Variants in GRHL2 observed in about 807,000 individuals in gnomAD.
GRHL2 encodes grainyhead like transcription factor 2, also known as grainyhead-like protein 2 homolog.
Under a neutral mutation model 83.8 loss-of-function variants are expected in GRHL2, and 21 were observed. The observed-to-expected ratio is 0.25, with a 90% CI of 0.18 to 0.36. The LOEUF (loss-of-function observed/expected upper bound fraction) is 0.36. GRHL2 is among the 10% of genes least tolerant of loss of function. The probability of loss-of-function intolerance (pLI) is 1.00; values close to 1 mark genes in which losing one functional copy is unlikely to be tolerated. For missense variants in GRHL2, 623 were observed against 781.8 expected, an observed-to-expected ratio of 0.80 and a Z score of 2.42; for synonymous variants, 280 against 278.9, an observed-to-expected ratio of 1.00 and a Z score of -0.04.
Position 101,652,383 on chromosome 8 carries a change from TG to T in GRHL2, c.1698+2886del, listed in dbSNP as rs1376681456. The stretch of plus-strand genomic sequence containing the variant: ...GGTGTGTGTGTGTCTGATGTGTGTG[TG>T]GTGTGTGTGTGTGTCTGGTGTGTGT... On this transcript the variant is annotated intron_variant, in intron 14 of 15. Coordinates refer to ENST00000646743, the MANE Select transcript of GRHL2 (RefSeq NM_024915.4). 7.9e-3 allele frequency among the ~76,000 whole-genome samples: 535 copies of T among 67,720 alleles called. 30 individuals carry two copies. Among genetic ancestry groups the T allele is most frequent in the African/African-American group, 0.024 (253 of 10,756 alleles). The allele number at this position is 67,720 out of a possible 152,430, so 44.4% of individuals were successfully genotyped here. A position where few individuals can be genotyped will look rare whatever the true frequency, so the allele number is the denominator to read the frequency against.
intron 8 of GRHL2, among the ~76,000 whole-genome samples, chr8:101,618,372 CTTA>C (rs1444944413): frequency 6.6e-6 from 1 of 152,146 alleles, no homozygotes; most frequent in African/African-American, 2.4e-5. Context: ...TGTGATTTCT[CTTA>C]TATCTCTTGA....
Position 101,604,771 on chromosome 8 carries a change from A to G in GRHL2, c.1098+5620A>G, listed in dbSNP as rs973491494. ...AGTTCAGGATTCAGTGAAAATGTTC[A>G]CTACCATCACACTAATCATGCTGAC... On this transcript the variant is annotated intron_variant, in intron 8 of 15. Coordinates refer to ENST00000646743, the MANE Select transcript of GRHL2 (RefSeq NM_024915.4). Among the ~76,000 whole-genome samples the G allele has an allele frequency of 3.3e-5, 5 of 152,224 alleles. No homozygotes were observed. The East Asian group carries it at 9.6e-4, about 29-fold the overall frequency.
At chr8:101,617,244 G>A (rs1254502096) in intron 8 of GRHL2, among the ~76,000 whole-genome samples, 1 of 152,150 alleles carries the variant, frequency 6.6e-6, no homozygotes, top group South Asian at 2.1e-4. Context: ...GGCAGCGTGA[G>A]AGCCCAGGGG....
chr8:101,646,461 C>T (rs188252945), intron 13 of GRHL2, among the ~76,000 whole-genome samples: 72 of 152,284 alleles, frequency 4.7e-4, no homozygotes, highest in Non-Finnish European at 8.5e-4. Context: ...CACATGAGGG[C>T]GCTGTAACCT....
At position 101,504,975 on chromosome 8, in the gene GRHL2, G is replaced by GAA. The variant is rs34007500; in HGVS notation, c.20+12201_20+12202dup. ...ACTGAAGTTGCCAACATTGCATTAGGAAAAAAAAAAAAAAAAGAGGAGGCT... is the reference window on the plus strand; with the variant it reads ...ACTGAAGTTGCCAACATTGCATTAGGAAAAAAAAAAAAAAAAAAGAGGAGGCT... On this transcript the variant is annotated intron_variant, in intron 1 of 15. Transcript: ENST00000646743. Among the ~76,000 whole-genome samples, 857 of 112,994 alleles carry GAA rather than the reference G, an allele frequency of 7.6e-3. 6 individuals are homozygous for GAA. The highest frequency in any genetic ancestry group is 0.01 in the Non-Finnish European group (548 of 53,012). The allele number at this position is 112,994 out of a possible 152,430, so 74.1% of individuals were successfully genotyped here.
At position 101,492,455 on chromosome 8, in the gene GRHL2, G is replaced by A; in HGVS notation, c.-315G>A. ...GCTCCTTGCGAGAAAGTTACCTGTGGCCGCCCAAGTCCGCCACTTTCTGCT... is the reference window on the plus strand; with the variant it reads ...GCTCCTTGCGAGAAAGTTACCTGTGACCGCCCAAGTCCGCCACTTTCTGCT... On this transcript the variant is annotated 5_prime_UTR_variant, in exon 1 of 16. Transcript: ENST00000646743. 1 of 511,682 alleles carries A rather than the reference G, an allele frequency of 2.0e-6. No individual in the cohort carries two copies. Among genetic ancestry groups the A allele is most frequent in the Non-Finnish European group, 3.5e-6 (1 of 281,866 alleles). The allele number at this position is 511,682 out of a possible 1,614,324, so 31.7% of individuals were successfully genotyped here.
chr8:101,572,853 C>T (rs1811854439), intron 5 of GRHL2, among the ~76,000 whole-genome samples: 1 of 152,160 alleles, frequency 6.6e-6, no homozygotes. Context: ...CAGGGATCTG[C>T]ACACTTTTTC....
chr8:101,670,817 TCC>T (rs1814192574), downstream of GRHL2, among the ~76,000 whole-genome samples: 1 of 152,192 alleles, frequency 6.6e-6, no homozygotes, highest in South Asian at 2.1e-4. Flanking sequence ...AGCTCTTGTC[TCC>T]CACTCTCTAC....
chr8:101,510,944 C>CA (rs1810450995), intron 1 of GRHL2, among the ~76,000 whole-genome samples: 1 of 151,840 alleles, frequency 6.6e-6, no homozygotes, highest in Non-Finnish European at 1.5e-5. Flanking sequence ...ACTAAAAATA[C>CA]AAAAAAATTA....
intron 5 of GRHL2, among the ~76,000 whole-genome samples, chr8:101,573,078 C>T (rs778356831): frequency 2.1e-4 from 32 of 152,306 alleles, no homozygotes; most frequent in Admixed American, 1.4e-3. Flanking sequence ...TAGAACAACC[C>T]TGCCATGAGT....
chr8:101,536,676 G>A (rs1811052158), intron 1 of GRHL2, among the ~76,000 whole-genome samples: 1 of 152,150 alleles, frequency 6.6e-6, no homozygotes, highest in African/African-American at 2.4e-5. Context: ...TGAGTGACTG[G>A]GGACAGATAA....
intron 7 of GRHL2, among the ~76,000 whole-genome samples, chr8:101,593,022 C>T (rs1458753572): frequency 2.6e-5 from 4 of 151,934 alleles, no homozygotes; most frequent in African/African-American, 2.4e-5. Context: ...TCTCGGCTCA[C>T]TGCAACCTGT....
intron 4 of GRHL2, among the ~76,000 whole-genome samples, chr8:101,565,549 T>C (rs567517977): frequency 2.0e-5 from 3 of 152,290 alleles, no homozygotes; most frequent in African/African-American, 7.2e-5. Context: ...GACATTATCA[T>C]CTCTATGTGT....
intron 7 of GRHL2, among the ~76,000 whole-genome samples, chr8:101,588,670 C>A (rs1186276545): frequency 3.9e-5 from 6 of 152,150 alleles, no homozygotes; most frequent in Non-Finnish European, 8.8e-5. Context: ...GAAAGATAAT[C>A]CACTTGAAGA....
chr8:101,546,879 C>T (rs897884479), intron 2 of GRHL2, among the ~76,000 whole-genome samples: 1 of 152,188 alleles, frequency 6.6e-6, no homozygotes, highest in African/African-American at 2.4e-5. Flanking sequence ...CTTTCTGTAA[C>T]TATTCTGAGA....
intron 4 of GRHL2, among the ~76,000 whole-genome samples, chr8:101,567,674 G>GT (rs1197977060): frequency 6.6e-6 from 1 of 152,184 alleles, no homozygotes; most frequent in Non-Finnish European, 1.5e-5. Flanking sequence ...TTTCTTCACA[G>GT]TTCTTGTCCT....
intron 2 of GRHL2, among the ~76,000 whole-genome samples, chr8:101,546,406 T>G (rs2130132846): frequency 6.8e-6 from 1 of 147,112 alleles, no homozygotes; most frequent in East Asian, 2.0e-4. Flanking sequence ...ACAAACATAA[T>G]TAGTAATTTT....
intron 14 of GRHL2, among the ~76,000 whole-genome samples, chr8:101,654,804 C>A (rs992813697): frequency 1.3e-5 from 2 of 152,102 alleles, no homozygotes; most frequent in African/African-American, 4.8e-5. Context: ...GGTTGGAGTT[C>A]TGTTGTTTAA....
intron 2 of GRHL2, among the ~76,000 whole-genome samples, chr8:101,551,746 C>T (rs965651298): frequency 4.1e-5 from 6 of 148,042 alleles, no homozygotes; most frequent in African/African-American, 1.3e-4. Context: ...ATGCAGTAGA[C>T]GATTAGATGA....
Sources: gnomAD v4.1 joint callset for allele counts (sites outside exome capture counted in the v4.1 genomes callset) on GRCh38, gnomAD v4.1.1 for gene constraint, MANE v1.5 for transcripts, NCBI Gene and HGNC (gene_info 2026-07-23, HGNC 2026-07-21) for gene names.